The following PTPRG variants were observed in gnomAD, a reference collection of about 807,000 sequenced individuals.
PTPRG encodes the protein protein tyrosine phosphatase receptor type G.
PTPRG carries 102 observed loss-of-function variants against 165.3 expected under a neutral mutation model. The observed-to-expected ratio is 0.62, with a 90% CI of 0.53 to 0.73. The LOEUF (loss-of-function observed/expected upper bound fraction) is 0.73. Ranked by LOEUF, PTPRG falls within the 30% of genes least tolerant of loss-of-function variation. The pLI is 0.00. For synonymous variants in PTPRG, 675 were observed against 669.5 expected (o/e 1.01, Z -0.13); for missense variants, 1,866 against 1,861.4 (o/e 1.00, Z -0.05).
chr3:62,033,361 AT>A (rs199968064), intron 4 of PTPRG, among the ~76,000 whole-genome samples: 31,909 of 123,998 alleles, frequency 0.26, 3,332 homozygotes, highest in African/African-American at 0.35. Context: ...CTCCCTATAC[AT>A]TTTTTTTTTT....
At chr3:61,919,900 T>C (rs1002842766) in intron 2 of PTPRG, among the ~76,000 whole-genome samples, 1 of 152,220 alleles carries the variant, frequency 6.6e-6, no homozygotes, top group African/African-American at 2.4e-5. Flanking sequence ...AAGGTTTAAG[T>C]AAAAGCAGTC....
intron 2 of PTPRG, among the ~76,000 whole-genome samples, chr3:61,983,378 G>A (rs2040683840): frequency 6.6e-6 from 1 of 152,088 alleles, no homozygotes; most frequent in Non-Finnish European, 1.5e-5. Context: ...GTTAAAAGTA[G>A]ACAACAAAAT....
chr3:62,270,308 C>A (rs1055987694), intron 20 of PTPRG, among the ~76,000 whole-genome samples: 1 of 152,062 alleles, frequency 6.6e-6, no homozygotes, highest in Non-Finnish European at 1.5e-5. Context: ...GGCTCCAAAG[C>A]CCATCTGTGA....
chr3:61,993,363 A>C (rs888814940), intron 3 of PTPRG, among the ~76,000 whole-genome samples: 8 of 151,922 alleles, frequency 5.3e-5, no homozygotes, highest in Non-Finnish European at 1.2e-4. Flanking sequence ...GATTACAGGC[A>C]TGCGCCACCA....
chr3:61,887,136 A>G (rs2038064448), intron 2 of PTPRG, among the ~76,000 whole-genome samples: 1 of 30,914 alleles, frequency 3.2e-5, no homozygotes, highest in East Asian at 8.1e-4. Flanking sequence ...ATATATATAT[A>G]TATATATATA....
chr3:61,839,496 G>C (rs983899935), intron 2 of PTPRG, among the ~76,000 whole-genome samples: 1 of 152,262 alleles, frequency 6.6e-6, no homozygotes, highest in Admixed American at 6.5e-5. Flanking sequence ...GGAATTTCTG[G>C]GAAGGACCAG....
chr3:62,102,064 ATTG>A (rs1702306733), intron 5 of PTPRG, among the ~76,000 whole-genome samples: 1 of 151,692 alleles, frequency 6.6e-6, no homozygotes, highest in Non-Finnish European at 1.5e-5. Context: ...ATCTTCCCCT[ATTG>A]TTACCGTATT....
chr3:61,886,851 A>G (rs1575753574), intron 2 of PTPRG, among the ~76,000 whole-genome samples: 1 of 150,866 alleles, frequency 6.6e-6, no homozygotes, highest in Non-Finnish European at 1.5e-5. Context: ...TGTTTGCTTC[A>G]TAGACTCTCT....
At chr3:61,834,392 A>G (rs2036398713) in intron 2 of PTPRG, among the ~76,000 whole-genome samples, 2 of 152,130 alleles carry the variant, frequency 1.3e-5, no homozygotes, top group African/African-American at 4.8e-5. Context: ...GTTGAGCTTA[A>G]TTGATTTAAA....
At chr3:61,797,085 C>T (rs1056231312) in intron 2 of PTPRG, among the ~76,000 whole-genome samples, 2 of 152,196 alleles carry the variant, frequency 1.3e-5, no homozygotes, top group Admixed American at 1.3e-4. Flanking sequence ...GGCCAGCCGG[C>T]ACAGAAATGT....
chr3:61,940,082 G>A (rs757525230), intron 2 of PTPRG, among the ~76,000 whole-genome samples: 5 of 151,636 alleles, frequency 3.3e-5, no homozygotes, highest in Non-Finnish European at 7.4e-5. Context: ...GAGTAGCAGG[G>A]ATTACAGGCA....
intron 17 of PTPRG, 137 bp from the exon 18 acceptor site, chr3:62,267,273 T>C (rs947752713): frequency 7.8e-6 from 5 of 642,730 alleles, no homozygotes; most frequent in East Asian, 2.7e-5. Flanking sequence ...ATGCTCTATT[T>C]AGTTGTTCTG....
chr3:62,119,568 A>G (rs1208991020), intron 5 of PTPRG, among the ~76,000 whole-genome samples: 1 of 151,712 alleles, frequency 6.6e-6, no homozygotes, highest in East Asian at 1.9e-4. Context: ...CAGATCTGGG[A>G]GAGCTTTTAC....
intron 2 of PTPRG, among the ~76,000 whole-genome samples, chr3:61,930,003 T>C (rs982272474): frequency 3.9e-5 from 6 of 152,172 alleles, no homozygotes; most frequent in African/African-American, 1.4e-4. Context: ...TACTAGGATA[T>C]TGACATACTT....
chr3:61,880,177 G>A (rs2037844984), intron 2 of PTPRG, among the ~76,000 whole-genome samples: 1 of 152,194 alleles, frequency 6.6e-6, no homozygotes. Flanking sequence ...AGGCATAATT[G>A]ATGTTCTGGG....
At chr3:62,049,409 C>G (rs1384972381) in intron 4 of PTPRG, among the ~76,000 whole-genome samples, 1 of 152,150 alleles carries the variant, frequency 6.6e-6, no homozygotes, top group African/African-American at 2.4e-5. Context: ...AAATCTTATT[C>G]TGTTAAAAAT....
chr3:61,790,898 C>T (rs1034878517), intron 2 of PTPRG, among the ~76,000 whole-genome samples: 7 of 151,952 alleles, frequency 4.6e-5, no homozygotes, highest in African/African-American at 1.2e-4. Context: ...TTTTGAATAT[C>T]AATAAGATTA....
intron 2 of PTPRG, among the ~76,000 whole-genome samples, chr3:61,757,336 A>AT (rs1386227518): frequency 6.6e-6 from 1 of 151,910 alleles, no homozygotes; most frequent in East Asian, 1.9e-4. Flanking sequence ...TAGATTCATA[A>AT]TTTTTTTTAA....
chr3:62,215,785 A>T (rs541524235), intron 12 of PTPRG, among the ~76,000 whole-genome samples: 1 of 152,238 alleles, frequency 6.6e-6, no homozygotes, highest in South Asian at 2.1e-4. Context: ...GGGGACAGAC[A>T]TTATCACCAA....
Sources: allele counts gnomAD v4.1 joint callset (sites outside exome capture counted in the v4.1 genomes callset), GRCh38; gene constraint gnomAD v4.1.1; transcripts MANE v1.5; gene names NCBI Gene and HGNC (gene_info 2026-07-23, HGNC 2026-07-21).